Variants in USP34 observed in about 807,000 individuals in gnomAD.
USP34 encodes the protein ubiquitin carboxyl-terminal hydrolase 34.
A neutral mutation model predicts 460.3 loss-of-function variants in USP34; 70 were observed. The observed-to-expected ratio is 0.15, with a 90% CI of 0.13 to 0.19. The LOEUF (loss-of-function observed/expected upper bound fraction) is 0.19, where lower values mean the gene tolerates loss of function less well. Among genes scored for constraint, USP34 ranks in the 10% least tolerant of loss-of-function variants. USP34 has a pLI of 1.00. For missense variants in USP34, 3,985 were observed against 4,236.2 expected (o/e 0.94, Z 1.65); for synonymous variants, 1,647 against 1,405.3 (o/e 1.17, Z -3.85).
intron 1 of USP34, among the ~76,000 whole-genome samples, chr2:61,443,283 G>A (rs531789710): frequency 6.6e-6 from 1 of 152,044 alleles, no homozygotes; most frequent in South Asian, 2.1e-4. Context: ...GCTACAAAGA[G>A]GCCACAGAAG....
intron 41 of USP34, among the ~76,000 whole-genome samples, chr2:61,272,137 C>T (rs1447068440): frequency 6.6e-6 from 1 of 152,198 alleles, no homozygotes; most frequent in African/African-American, 2.4e-5. Context: ...CTTGGCCGGG[C>T]ACGGCGGCTC....
rs1242448913 is a variant in USP34 at position 61,352,678 on chromosome 2, AT to A, written c.1252-1986del. On this transcript the variant is annotated intron_variant, in intron 10 of 79. Coordinates refer to ENST00000398571, the MANE Select transcript of USP34 (RefSeq NM_014709.4). ...AAAATCATAAAATCCTGTAACTGAG[AT>A]TAAAAAAAAAAAAAACCCACTCTTT... 1.9e-4 allele frequency among the ~76,000 whole-genome samples: 21 copies of A among 110,938 alleles called. No homozygotes were observed. The South Asian group carries it at 7.1e-3, about 38-fold the overall frequency. The allele number at this position is 110,938 out of a possible 152,430, so 72.8% of individuals were successfully genotyped here. A position where few individuals can be genotyped will look rare whatever the true frequency, so the allele number is the denominator to read the frequency against.
intron 41 of USP34, chr2:61,277,583 A>C (rs1357423940): frequency 6.6e-6 from 1 of 152,382 alleles, no homozygotes; most frequent in African/African-American, 2.4e-5. Flanking sequence ...TTAACATCTG[A>C]TTTTGTATTC....
chr2:61,312,779 C>G (rs1157970025), intron 25 of USP34, among the ~76,000 whole-genome samples: 2 of 152,186 alleles, frequency 1.3e-5, no homozygotes, highest in Admixed American at 1.3e-4. Context: ...TGATGTTCAG[C>G]AGCATCTCAC....
intron 5 of USP34, among the ~76,000 whole-genome samples, chr2:61,387,503 A>ATATG (rs954901399): frequency 1.3e-4 from 20 of 148,786 alleles, no homozygotes; most frequent in Non-Finnish European, 2.5e-4. Flanking sequence ...GAGTGTATAT[A>ATATG]TATGTATGTA....
intron 43 of USP34, among the ~76,000 whole-genome samples, chr2:61,260,186 T>TAG (rs1370839480): frequency 6.6e-6 from 1 of 152,214 alleles, no homozygotes; most frequent in Non-Finnish European, 1.5e-5. Flanking sequence ...ATTCATATCT[T>TAG]TACTCTTTCT....
chr2:61,348,935 G>A (rs900351477), intron 13 of USP34, 49 bp from the exon 14 acceptor site: 4 of 1,542,974 alleles, frequency 2.6e-6, no homozygotes, highest in African/African-American at 1.4e-5. Flanking sequence ...TATTAACATT[G>A]ACTTAACAGA....
intron 1 of USP34, among the ~76,000 whole-genome samples, chr2:61,435,613 A>G (rs1386546361): frequency 3.3e-5 from 5 of 152,238 alleles, no homozygotes; most frequent in East Asian, 1.9e-4. Context: ...TATATGGAAG[A>G]GCAAGCAAGG....
intron 2 of USP34, among the ~76,000 whole-genome samples, chr2:61,412,020 T>C (rs950534697): frequency 1.5e-4 from 22 of 151,150 alleles, no homozygotes; most frequent in African/African-American, 5.3e-4. Flanking sequence ...AGAAACCCCG[T>C]CTCCACTAAA....
intron 27 of USP34, among the ~76,000 whole-genome samples, chr2:61,308,335 G>T (rs1010219932): frequency 1.3e-5 from 2 of 152,040 alleles, no homozygotes; most frequent in Middle Eastern, 6.8e-3. Context: ...TATTTTTTCA[G>T]AGAAAAAAGA....
intron 67 of USP34, among the ~76,000 whole-genome samples, chr2:61,216,861 T>A (rs958046614): frequency 1.3e-5 from 2 of 150,422 alleles, no homozygotes; most frequent in East Asian, 3.9e-4. Context: ...GAGGCTGCAG[T>A]GAGCTGAGAT....
At chr2:61,466,120 G>A (rs188463047) in intron 1 of USP34, among the ~76,000 whole-genome samples, 37 of 151,984 alleles carry the variant, frequency 2.4e-4, no homozygotes, top group South Asian at 4.1e-4. Flanking sequence ...GAATGACTAC[G>A]GTTAACAATA....
chr2:61,188,284 C>G lies in USP34; in HGVS notation c.10459G>C (p.Asp3487His), dbSNP rs143842551. 1,257 of 1,613,908 alleles carry G rather than the reference C, an allele frequency of 7.8e-4. 12 individuals are homozygous for G. The African/African-American group carries it at 0.015, about 20-fold the overall frequency. Reference protein sequence around the residue: ...LSDLADLRSCDGQALPSQDPE... With the variant: ...LSDLADLRSCHGQALPSQDPE... Reference sequence around the variant, plus strand: ...TCCTGGGAGGGCAAAGCTTGGCCATCACAGCTTCTCAAGTCAGCTAAGTCA... The same window carrying G: ...TCCTGGGAGGGCAAAGCTTGGCCATGACAGCTTCTCAAGTCAGCTAAGTCA... Residue 3487 changes from aspartate to histidine, a missense_variant, in exon 80 of 80, where the codon GAT (aspartate) becomes CAT (histidine). Physicochemically the swap from Asp to His is moderately conservative, Grantham distance 81. Around this residue, in one of 14 missense-constraint regions of USP34, gnomAD observed 506 missense variants for 439.0 expected, o/e 1.15. Transcript: ENST00000398571.
intron 10 of USP34, among the ~76,000 whole-genome samples, chr2:61,358,741 T>C (rs1037312984): frequency 6.6e-6 from 1 of 152,162 alleles, no homozygotes; most frequent in African/African-American, 2.4e-5. Context: ...ACAGGAGAAC[T>C]ACTAAGCTGA....
At chr2:61,319,735 C>T (rs1365805394) in intron 21 of USP34, among the ~76,000 whole-genome samples, 5 of 152,026 alleles carry the variant, frequency 3.3e-5, no homozygotes, top group Non-Finnish European at 5.9e-5. Context: ...ATCTCAGTTA[C>T]TCAGGAGGCT....
chr2:61,332,495 T>C (rs1424394767), intron 19 of USP34, among the ~76,000 whole-genome samples: 2 of 151,990 alleles, frequency 1.3e-5, no homozygotes, highest in Non-Finnish European at 2.9e-5. Context: ...GGGTACTTGA[T>C]TAAGTAACTG....
chr2:61,301,453 T>G lies in USP34; in HGVS notation c.3819A>C (p.Gly1273=). Reference sequence around the variant, plus strand: ...TCATCCTGACAGGTCCCATGAGGCCTCCTTAAAAACAGCAAAACATGGAAA... The same window carrying G: ...TCATCCTGACAGGTCCCATGAGGCCGCCTTAAAAACAGCAAAACATGGAAA... ...GQSNRKGEFP[G]GLMGPVRMIS... The change falls in exon 28 of 80, where the codon GGA becomes GGC. Residue 1273 remains glycine (G), a splice_region_variant and synonymous_variant. Transcript: ENST00000398571. 1 of 1,609,312 alleles carries G rather than the reference T, an allele frequency of 6.2e-7. No homozygotes were observed. Among genetic ancestry groups the G allele is most frequent in the South Asian group, 1.1e-5 (1 of 89,554 alleles).
At chr2:61,206,631 G>T in intron 71 of USP34, 129 bp downstream of exon 71, 1 of 1,169,162 alleles carries the variant, frequency 8.6e-7, no homozygotes, top group Non-Finnish European at 1.2e-6. Flanking sequence ...CTGATGGTTA[G>T]CTAGCTTCAG....
intron 44 of USP34, 76 bp downstream of exon 44, chr2:61,259,635 C>T (rs1350172166): frequency 7.1e-6 from 10 of 1,403,800 alleles, no homozygotes; most frequent in Non-Finnish European, 9.9e-6. Context: ...ATCCACCCAC[C>T]TTGGCCTCCC....
Sources: allele counts gnomAD v4.1 joint callset (sites outside exome capture counted in the v4.1 genomes callset), GRCh38; gene constraint gnomAD v4.1.1; regional missense constraint gnomAD v4.1.1; transcripts MANE v1.5; gene names NCBI Gene and HGNC (gene_info 2026-07-23, HGNC 2026-07-21).